CTNNA3: variants seen among roughly 807,000 people sequenced by gnomAD.
CTNNA3 encodes catenin alpha-3.
In CTNNA3, 76 loss-of-function variants were observed where a neutral mutation model predicts 95.7. The observed-to-expected ratio is 0.79, with a 90% confidence interval of 0.66 to 0.96. CTNNA3 has a LOEUF of 0.96. CTNNA3 is among the 40% of genes least tolerant of loss of function. CTNNA3 has a pLI of 0.00. For missense variants in CTNNA3, 1,191 were observed against 1,089.8 expected, an observed-to-expected ratio of 1.09 and a Z score of -1.31; for synonymous variants, 431 against 374.4, an observed-to-expected ratio of 1.15 and a Z score of -1.74.
At chr10:67,705,822 C>T (rs927757470) in intron 1 of CTNNA3, among the ~76,000 whole-genome samples, 2 of 151,790 alleles carry the variant, frequency 1.3e-5, no homozygotes, top group Non-Finnish European at 2.9e-5. Context: ...GCTACATGCT[C>T]TTCCTCTCGT....
intron 16 of CTNNA3, among the ~76,000 whole-genome samples, chr10:65,982,969 T>C (rs2133308031): frequency 6.6e-6 from 1 of 151,650 alleles, no homozygotes; most frequent in East Asian, 1.9e-4. Context: ...CATGAAACAA[T>C]TCAAATGAGG....
At chr10:67,563,833 G>A (rs1382857710) in intron 3 of CTNNA3, among the ~76,000 whole-genome samples, 1 of 150,000 alleles carries the variant, frequency 6.7e-6, no homozygotes, top group Non-Finnish European at 1.5e-5. Context: ...ATGGGCAAAG[G>A]ATATGAACAG....
At chr10:66,696,426 T>C (rs1255306256) in intron 9 of CTNNA3, among the ~76,000 whole-genome samples, 2 of 152,196 alleles carry the variant, frequency 1.3e-5, no homozygotes, top group Non-Finnish European at 2.9e-5. Flanking sequence ...ATTTAAATAA[T>C]ATGTCATAAA....
intron 15 of CTNNA3, among the ~76,000 whole-genome samples, chr10:66,039,119 A>C (rs2079627250): frequency 6.6e-6 from 1 of 152,214 alleles, no homozygotes. Context: ...GCTGAGAGCC[A>C]AATCAGGAAT....
chr10:66,213,458 G>A (rs2088304256), intron 13 of CTNNA3, among the ~76,000 whole-genome samples: 1 of 152,054 alleles, frequency 6.6e-6, no homozygotes. Flanking sequence ...TCCTATGTCA[G>A]GGAAAAGTTA....
At chr10:66,507,452 T>TTATCTAAC (rs59912719) in intron 11 of CTNNA3, among the ~76,000 whole-genome samples, 10,869 of 152,084 alleles carry the variant, frequency 0.071, 681 homozygotes, top group East Asian at 0.31. Flanking sequence ...CATATTCTTC[T>TTATCTAAC]TATCTAACTG....
chr10:67,311,458 G>T (rs765570892), intron 5 of CTNNA3, among the ~76,000 whole-genome samples: 22 of 152,162 alleles, frequency 1.4e-4, no homozygotes, highest in Non-Finnish European at 2.2e-4. Flanking sequence ...ATCTGTGGTT[G>T]CCTGTGGCTG....
intron 7 of CTNNA3, among the ~76,000 whole-genome samples, chr10:67,145,436 GT>G (rs57051265): frequency 0.53 from 75,341 of 143,330 alleles, 19,595 homozygotes; most frequent in Middle Eastern, 0.65. Context: ...AATTTTTTTA[GT>G]TTTTTTTTTT....
chr10:66,229,018 T>A lies in CTNNA3; in HGVS notation c.1884+51452A>T, dbSNP rs539168464. On this transcript the variant is annotated intron_variant, in intron 13 of 17. Transcript: ENST00000433211. ...TCCATTCTTTGACTTTCAGTCTGCA[T>A]GTGTATTTCCAGGTAAAGTGAGCTT... is the stretch of plus-strand genomic sequence containing the variant. Among the ~76,000 whole-genome samples the A allele has an allele frequency of 9.2e-5, 14 of 152,292 alleles. 1 individual carries two copies. Among genetic ancestry groups the A allele is most frequent in the African/African-American group, 3.4e-4 (14 of 41,578 alleles).
intron 11 of CTNNA3, among the ~76,000 whole-genome samples, chr10:66,437,692 C>T (rs1212577525): frequency 6.6e-6 from 1 of 152,090 alleles, no homozygotes; most frequent in Non-Finnish European, 1.5e-5. Context: ...CCTTCCGAAG[C>T]CTACTTCTGT....
At chr10:66,021,785 T>C (rs953113372) in intron 15 of CTNNA3, among the ~76,000 whole-genome samples, 2 of 149,580 alleles carry the variant, frequency 1.3e-5, no homozygotes, top group African/African-American at 4.9e-5. Context: ...CTTGATTGAA[T>C]GAATACTTCA....
At chr10:67,502,147 G>C (rs1311601563) in intron 5 of CTNNA3, among the ~76,000 whole-genome samples, 1 of 152,114 alleles carries the variant, frequency 6.6e-6, no homozygotes, top group Admixed American at 6.5e-5. Context: ...TTCGGATGGG[G>C]TTTTTGTGTG....
chr10:66,721,590 A>G (rs1409519291), intron 9 of CTNNA3, among the ~76,000 whole-genome samples: 1 of 152,160 alleles, frequency 6.6e-6, no homozygotes, highest in Non-Finnish European at 1.5e-5. Context: ...CCAGAGAGGA[A>G]CTTCATCCAG....
At chr10:67,322,272 T>TCATG (rs1841353315) in intron 5 of CTNNA3, among the ~76,000 whole-genome samples, 1 of 152,212 alleles carries the variant, frequency 6.6e-6, no homozygotes, top group South Asian at 2.1e-4. Flanking sequence ...AGGTTTGTTA[T>TCATG]ATAGGTAAAC....
In CTNNA3 at chr10:66,139,985, T is replaced by C. The variant is rs1235813006; in HGVS notation, c.1885-36736A>G. Among the ~76,000 whole-genome samples the C allele has an allele frequency of 2.0e-5, 3 of 152,334 alleles. No individual in the cohort carries two copies. The East Asian group carries it at 5.8e-4, about 29-fold the overall frequency. ...TTTTGTGGTTTTGAAGGTGGCCTCA[T>C]TAGTGAATATGAGTATCTTGTAACT... On this transcript the variant is annotated intron_variant, in intron 13 of 17. Transcript: ENST00000433211.
At chr10:66,024,858 G>A (rs186754434) in intron 15 of CTNNA3, among the ~76,000 whole-genome samples, 1 of 152,322 alleles carries the variant, frequency 6.6e-6, no homozygotes, top group African/African-American at 2.4e-5. Flanking sequence ...CAGAAAGCTA[G>A]ATCCTCTGCA....
intron 1 of CTNNA3, among the ~76,000 whole-genome samples, chr10:67,668,828 G>GTT (rs1840376805): frequency 1.5e-5 from 2 of 131,248 alleles, no homozygotes; most frequent in Non-Finnish European, 1.6e-5. Context: ...GGCCTACTGT[G>GTT]TTTCTTTTTT....
intron 15 of CTNNA3, among the ~76,000 whole-genome samples, chr10:66,055,282 A>G (rs936137830): frequency 2.0e-5 from 3 of 152,180 alleles, no homozygotes; most frequent in African/African-American, 7.2e-5. Flanking sequence ...TTTGACACAG[A>G]TTGCATGGAA....
intron 10 of CTNNA3, among the ~76,000 whole-genome samples, chr10:66,552,869 G>A (rs1028965385): frequency 4.0e-5 from 6 of 149,594 alleles, no homozygotes; most frequent in South Asian, 2.1e-4. Context: ...CTTTTTTTCC[G>A]TTTAGCCTAT....
Sources: allele counts gnomAD v4.1 joint callset (sites outside exome capture counted in the v4.1 genomes callset), GRCh38; gene constraint gnomAD v4.1.1; transcripts MANE v1.5; gene names NCBI Gene and HGNC (gene_info 2026-07-23, HGNC 2026-07-21).